Variants in ASPSCR1 observed in about 807,000 individuals in gnomAD.
The protein encoded by ASPSCR1 is tether containing UBX domain for GLUT4.
ASPSCR1 carries 55 observed loss-of-function variants against 68.9 expected under a neutral mutation model. That is an observed-to-expected ratio of 0.80 (90% CI 0.64 to 1.00). The LOEUF is 1.00. ASPSCR1 is among the 50% of genes least tolerant of loss of function. The pLI, the probability that ASPSCR1 is intolerant of heterozygous loss-of-function variation, is 0.00. For missense variants in ASPSCR1, 765 were observed against 762.2 expected (o/e 1.00, Z -0.04); for synonymous variants, 352 against 332.6 (o/e 1.06, Z -0.63).
chr17:82,004,637 C>A (rs1216293111), intron 7 of ASPSCR1: 1 of 152,336 alleles, frequency 6.6e-6, no homozygotes, highest in East Asian at 1.9e-4. Flanking sequence ...CACCCCCACC[C>A]TGTGGCGCAT....
intron 7 of ASPSCR1, among the ~76,000 whole-genome samples, chr17:81,997,114 ATGAGGCCGTG>A: frequency 6.6e-6 from 1 of 151,772 alleles, no homozygotes; most frequent in Non-Finnish European, 1.5e-5. Flanking sequence ...CCGCTCCGGG[ATGAGGCCGTG>A]TGGGCTCCGG....
At chr17:82,014,732 A>G in intron 12 of ASPSCR1, 1 of 371,754 alleles carries the variant, frequency 2.7e-6, no homozygotes, top group Non-Finnish European at 5.0e-6. Flanking sequence ...CAGCCCCTAC[A>G]GAGTTGCTGC....
chr17:81,999,857 G>A lies in ASPSCR1; in HGVS notation c.933+3011G>A, dbSNP rs558898219. Reference sequence around the variant, plus strand: ...GAGGCCGGGCGTCTGCACCGTGTTGGATGTGGGGGCTCCCATCTAGCCCGG... The same window carrying A: ...GAGGCCGGGCGTCTGCACCGTGTTGAATGTGGGGGCTCCCATCTAGCCCGG... On this transcript the variant is annotated intron_variant, in intron 7 of 15. Transcript: ENST00000306739. This position sits in a 1 kb window ranked among gnomAD's most constrained non-coding sequence, Gnocchi z 4.4. Among the ~76,000 whole-genome samples the A allele has an allele frequency of 6.6e-6, 1 of 152,326 alleles. No individual in the cohort carries two copies. Among genetic ancestry groups the A allele is most frequent in the South Asian group, 2.1e-4 (1 of 4,832 alleles).
chr17:82,016,366 GA>G (rs2043126031), intron 12 of ASPSCR1, 109 bp from the exon 13 acceptor site: 2 of 996,286 alleles, frequency 2.0e-6, no homozygotes, highest in African/African-American at 3.2e-5. Flanking sequence ...CGGGCAGGCA[GA>G]GCCTGTCTGA....
intron 2 of ASPSCR1, 134 bp downstream of exon 2, chr17:81,979,373 C>T: frequency 1.0e-6 from 1 of 982,910 alleles, no homozygotes. Flanking sequence ...TCTGGAGACC[C>T]AAGGCCTTGG....
intron 5 of ASPSCR1, chr17:81,995,476 C>G: frequency 4.1e-6 from 1 of 245,626 alleles, no homozygotes; most frequent in Non-Finnish European, 8.0e-6. Context: ...GGGACCCTTA[C>G]ACCCTTTGGC....
At chr17:81,985,259 C>G (rs758323830) in intron 3 of ASPSCR1, among the ~76,000 whole-genome samples, 3 of 151,954 alleles carry the variant, frequency 2.0e-5, no homozygotes, top group African/African-American at 7.3e-5. Context: ...TATGCACACA[C>G]GCACGCACAC....
chr17:81,996,340 G>A (rs1270270518), intron 6 of ASPSCR1, 80 bp from the exon 7 acceptor site: 10 of 1,514,748 alleles, frequency 6.6e-6, no homozygotes, highest in Non-Finnish European at 7.9e-6. Context: ...GGGGGCGGGA[G>A]AGGGTGAGCC....
intron 5 of ASPSCR1, 108 bp from the exon 6 acceptor site, chr17:81,995,884 A>T: frequency 9.4e-7 from 1 of 1,062,186 alleles, no homozygotes; most frequent in South Asian, 1.3e-5. Context: ...GATGGAGGCC[A>T]GAGAGGGCAC....
chr17:81,991,850 C>G (rs972909285), intron 4 of ASPSCR1, among the ~76,000 whole-genome samples: 1 of 152,262 alleles, frequency 6.6e-6, no homozygotes, highest in Non-Finnish European at 1.5e-5. Flanking sequence ...CCGGCTTTGT[C>G]ATACCCAGAC....
At chr17:81,993,066 G>A (rs186376955) in intron 4 of ASPSCR1, among the ~76,000 whole-genome samples, 6 of 152,278 alleles carry the variant, frequency 3.9e-5, no homozygotes, top group Non-Finnish European at 5.9e-5. Context: ...TAAAGGCCAC[G>A]AAACAAAAGA....
intron 7 of ASPSCR1, chr17:82,006,147 T>C (rs966051966): frequency 1.3e-5 from 2 of 149,522 alleles, no homozygotes; most frequent in African/African-American, 2.5e-5. Context: ...GGGGTGTGTG[T>C]GCATGTCCTT....
At position 81,990,682 on chromosome 17, in the gene ASPSCR1, G is replaced by C. The variant is rs980710828; in HGVS notation, c.375-4139G>C. On this transcript the variant is annotated intron_variant, in intron 4 of 15. Coordinates refer to ENST00000306739, the MANE Select transcript of ASPSCR1 (RefSeq NM_024083.4). The surrounding 1 kb of genome is among the most constrained non-coding windows in gnomAD (Gnocchi z 4.1). ...TCCGTGATAGGAGACGCATGAGATG[G>C]AAATGAGGATTTCATGGCCTACGGG... Among the ~76,000 whole-genome samples, 2 of 152,222 alleles carry C rather than the reference G, an allele frequency of 1.3e-5. No individual in the cohort carries two copies. The highest frequency in any genetic ancestry group is 4.8e-5 in the African/African-American group (2 of 41,452).
intron 12 of ASPSCR1, chr17:82,015,182 C>T (rs574095452): frequency 1.5e-5 from 24 of 1,598,144 alleles, no homozygotes; most frequent in Admixed American, 5.0e-5. Flanking sequence ...ATGGAGGCGA[C>T]GTGGACTCTG....
chr17:82,000,959 T>G, intron 7 of ASPSCR1, among the ~76,000 whole-genome samples: 1 of 152,192 alleles, frequency 6.6e-6, no homozygotes, highest in East Asian at 1.9e-4. Flanking sequence ...GATCAAAGGC[T>G]GGGTCTGCCC....
chr17:82,009,995 C>T (rs560311930), intron 9 of ASPSCR1: 14 of 293,774 alleles, frequency 4.8e-5, no homozygotes, highest in Admixed American at 2.0e-4. Flanking sequence ...CTGCAAGCTC[C>T]GCCTCCCGGG....
intron 4 of ASPSCR1, among the ~76,000 whole-genome samples, chr17:81,991,467 C>T (rs541749394): frequency 5.9e-5 from 9 of 152,174 alleles, no homozygotes; most frequent in African/African-American, 2.2e-4. Context: ...AGGGCTCTGC[C>T]AGGTGGAGCA....
chr17:81,985,913 G>A (rs1243211968), intron 4 of ASPSCR1, among the ~76,000 whole-genome samples: 4 of 152,062 alleles, frequency 2.6e-5, no homozygotes, highest in Non-Finnish European at 5.9e-5. Flanking sequence ...AAGGGGAGAC[G>A]TTCGGTGCTG....
At chr17:81,988,801 C>T (rs571399699) in intron 4 of ASPSCR1, among the ~76,000 whole-genome samples, 6 of 152,236 alleles carry the variant, frequency 3.9e-5, no homozygotes, top group East Asian at 1.9e-4. Flanking sequence ...CAGGGCATCC[C>T]GGGCAGGGTT....
Sources: allele counts gnomAD v4.1 joint callset (sites outside exome capture counted in the v4.1 genomes callset), GRCh38; gene constraint gnomAD v4.1.1; non-coding constraint Gnocchi (gnomAD v3.1); transcripts MANE v1.5; gene names NCBI Gene and HGNC (gene_info 2026-07-23, HGNC 2026-07-21).